The following KIAA1217 variants were observed in gnomAD, a reference collection of about 807,000 sequenced individuals.
KIAA1217 encodes the protein sickle tail protein homolog.
A neutral mutation model predicts 163.9 loss-of-function variants in KIAA1217; 88 were observed. The ratio of observed to expected loss-of-function variants is 0.54; its 90% CI spans 0.45 to 0.64. KIAA1217 has a LOEUF of 0.64. Ranked by LOEUF, KIAA1217 falls within the 30% of genes least tolerant of loss-of-function variation. The probability of loss-of-function intolerance (pLI) is 0.00; values close to 1 mark genes in which losing one functional copy is unlikely to be tolerated. For missense variants in KIAA1217, 2,372 were observed against 2,475.0 expected (o/e 0.96, Z 0.88); for synonymous variants, 903 against 923.1 (o/e 0.98, Z 0.39).
intron 2 of KIAA1217, among the ~76,000 whole-genome samples, chr10:24,044,052 G>T (rs1676779540): frequency 6.6e-6 from 1 of 152,068 alleles, no homozygotes; most frequent in South Asian, 2.1e-4. Context: ...TCTCTGAGAG[G>T]AAAAGGAAGT....
At chr10:24,285,228 T>C (rs1449505754) in intron 2 of KIAA1217, among the ~76,000 whole-genome samples, 1 of 152,236 alleles carries the variant, frequency 6.6e-6, no homozygotes, top group Admixed American at 6.5e-5. Context: ...CTCTTCAGTT[T>C]AATTAGGTTC....
chr10:24,399,484 G>A (rs2056262225), intron 3 of KIAA1217, among the ~76,000 whole-genome samples: 1 of 152,096 alleles, frequency 6.6e-6, no homozygotes, highest in African/African-American at 2.4e-5. Flanking sequence ...ATTTTAGATT[G>A]GTCAGCTGAA....
intron 1 of KIAA1217, among the ~76,000 whole-genome samples, chr10:23,953,600 A>G (rs552513721): frequency 6.6e-5 from 10 of 152,326 alleles, no homozygotes; most frequent in East Asian, 3.9e-4. Context: ...TATTTTCTAT[A>G]CCCGACTCAA....
intron 2 of KIAA1217, among the ~76,000 whole-genome samples, chr10:24,190,611 T>C (rs775061342): frequency 3.3e-5 from 5 of 152,220 alleles, no homozygotes; most frequent in Non-Finnish European, 7.4e-5. Flanking sequence ...GATTCCCCCA[T>C]ATTTCCTGGG....
At chr10:24,479,470 C>G (rs1669217072) in intron 6 of KIAA1217, among the ~76,000 whole-genome samples, 2 of 151,682 alleles carry the variant, frequency 1.3e-5, no homozygotes, top group South Asian at 4.2e-4. Context: ...AAAAGTGAGC[C>G]ACATCAGCGA....
intron 1 of KIAA1217, among the ~76,000 whole-genome samples, chr10:23,897,544 C>T (rs901765361): frequency 3.9e-5 from 6 of 152,024 alleles, no homozygotes; most frequent in Admixed American, 6.6e-5. Context: ...CCAACATCCA[C>T]GAATTTGACC....
At chr10:24,140,810 C>T (rs927718020) in intron 2 of KIAA1217, among the ~76,000 whole-genome samples, 5 of 152,140 alleles carry the variant, frequency 3.3e-5, no homozygotes, top group Admixed American at 1.3e-4. Flanking sequence ...AACGTTACCT[C>T]TTATTAGAAT....
chr10:24,039,558 G>C (rs533702689), intron 2 of KIAA1217, among the ~76,000 whole-genome samples: 2 of 152,258 alleles, frequency 1.3e-5, no homozygotes, highest in South Asian at 2.1e-4. Context: ...GTAGGCTGCT[G>C]TAAGTGTTCT....
At chr10:24,224,975 CA>C (rs1333843715) in intron 2 of KIAA1217, among the ~76,000 whole-genome samples, 1 of 151,814 alleles carries the variant, frequency 6.6e-6, no homozygotes, top group Admixed American at 6.6e-5. Context: ...TACAGGCGCC[CA>C]CCACCACGCC....
intron 2 of KIAA1217, among the ~76,000 whole-genome samples, chr10:24,090,904 T>G (rs1486483959): frequency 1.3e-5 from 2 of 151,890 alleles, no homozygotes; most frequent in Non-Finnish European, 2.9e-5. Context: ...TAGTTACCTA[T>G]GTAGATTATG....
chr10:23,830,666 A>ATAGGTAGGTAGGTAGGTAGG (rs143607296), intron 1 of KIAA1217, among the ~76,000 whole-genome samples: 2 of 147,754 alleles, frequency 1.4e-5, no homozygotes, highest in African/African-American at 5.1e-5. Flanking sequence ...ATGAGAAATC[A>ATAGGTAGGTAGGTAGGTAGG]TAGGTAGGTA....
intron 3 of KIAA1217, among the ~76,000 whole-genome samples, chr10:24,385,617 C>A (rs2053896990): frequency 1.3e-5 from 2 of 152,160 alleles, no homozygotes; most frequent in Non-Finnish European, 2.9e-5. Flanking sequence ...TATCCCAACG[C>A]CAGGTTCCAA....
chr10:24,534,223 T>C (rs2073598654), intron 16 of KIAA1217, among the ~76,000 whole-genome samples: 1 of 152,228 alleles, frequency 6.6e-6, no homozygotes. Flanking sequence ...TTGAGCTGCC[T>C]GGATTTTGCA....
chr10:24,546,238 A>C lies in KIAA1217; in HGVS notation c.5746A>C (p.Ile1916Leu). Residue 1916 changes from isoleucine to leucine, a missense_variant, in exon 21 of 21, where the codon ATC (isoleucine) becomes CTC (leucine). By Grantham distance (5) the Ile-to-Leu change is conservative. Transcript: ENST00000376454. The stretch of plus-strand genomic sequence containing the variant: ...TCAAGGTGCCAAGGGCACCAGGACC[A>C]TCCATACTCCCAGCCTCACCAGCTA... Reference protein sequence around the residue: ...LNQGAKGTRTIHTPSLTSYKA... With the variant: ...LNQGAKGTRTLHTPSLTSYKA... The C allele has an allele frequency of 1.9e-6, 3 of 1,614,176 alleles. No homozygotes were observed. The highest frequency in any genetic ancestry group is 2.5e-6 in the Non-Finnish European group (3 of 1,180,038).
At chr10:24,228,642 T>A (rs771701510) in intron 2 of KIAA1217, among the ~76,000 whole-genome samples, 22 of 152,236 alleles carry the variant, frequency 1.4e-4, no homozygotes, top group Middle Eastern at 3.4e-3. Flanking sequence ...TTAAATATAT[T>A]GGCCTGGAAG....
intron 9 of KIAA1217, among the ~76,000 whole-genome samples, chr10:24,512,979 G>T (rs2069439229): frequency 6.6e-6 from 1 of 152,212 alleles, no homozygotes; most frequent in South Asian, 2.1e-4. Flanking sequence ...AGATACATCA[G>T]TGAGAGTTTA....
intron 3 of KIAA1217, among the ~76,000 whole-genome samples, chr10:24,429,996 A>T (rs2059465229): frequency 6.6e-6 from 1 of 152,132 alleles, no homozygotes; most frequent in Non-Finnish European, 1.5e-5. Context: ...TATACAAAAA[A>T]TTAGCTGGGT....
intron 1 of KIAA1217, among the ~76,000 whole-genome samples, chr10:23,987,974 G>A (rs1386044924): frequency 2.0e-5 from 3 of 152,132 alleles, no homozygotes; most frequent in Non-Finnish European, 2.9e-5. Flanking sequence ...GTTTATGTGG[G>A]TTCTCTCTAT....
intron 2 of KIAA1217, among the ~76,000 whole-genome samples, chr10:24,067,768 C>G (rs969166044): frequency 6.6e-6 from 1 of 152,242 alleles, no homozygotes; most frequent in Non-Finnish European, 1.5e-5. Flanking sequence ...AGGCAGGCCT[C>G]CTTGAGCTGT....
Sources: gnomAD v4.1 joint callset for allele counts (sites outside exome capture counted in the v4.1 genomes callset) on GRCh38, gnomAD v4.1.1 for gene constraint, MANE v1.5 for transcripts, NCBI Gene and HGNC (gene_info 2026-07-23, HGNC 2026-07-21) for gene names.